The following LRFN2 variants were observed in gnomAD, a reference collection of about 807,000 sequenced individuals.
LRFN2 encodes the protein leucine-rich repeat and fibronectin type-III domain-containing protein 2.
Under a neutral mutation model 37.3 loss-of-function variants are expected in LRFN2, and 18 were observed. That is an observed-to-expected ratio of 0.48 (90% CI 0.33 to 0.72). The LOEUF (loss-of-function observed/expected upper bound fraction) is 0.72. Ranked by LOEUF, LRFN2 falls within the 30% of genes least tolerant of loss-of-function variation. The probability of loss-of-function intolerance (pLI) is 0.02; values close to 1 mark genes in which losing one functional copy is unlikely to be tolerated. For missense variants in LRFN2, 1,006 were observed against 1,060.7 expected, an observed-to-expected ratio of 0.95 and a Z score of 0.72; for synonymous variants, 556 against 466.6, an observed-to-expected ratio of 1.19 and a Z score of -2.47.
chr6:40,427,871 A>T (rs1581696979), intron 2 of LRFN2, among the ~76,000 whole-genome samples: 1 of 152,174 alleles, frequency 6.6e-6, no homozygotes, highest in East Asian at 1.9e-4. Context: ...CATGGGGCCC[A>T]TCAGAGCCTG....
chr6:40,436,885 C>T (rs1991875), intron 1 of LRFN2, among the ~76,000 whole-genome samples: 3,420 of 152,180 alleles, frequency 0.022, 124 homozygotes, highest in African/African-American at 0.077. Context: ...TTTCTGGCTA[C>T]GGCATCTGCT....
intron 1 of LRFN2, among the ~76,000 whole-genome samples, chr6:40,515,177 TC>T (rs1189559162): frequency 6.6e-6 from 1 of 152,194 alleles, no homozygotes; most frequent in Admixed American, 6.5e-5. Context: ...GTGTGCTTTT[TC>T]TGAACACACT....
At chr6:40,584,492 T>C (rs939923515) in intron 1 of LRFN2, among the ~76,000 whole-genome samples, 3 of 152,112 alleles carry the variant, frequency 2.0e-5, no homozygotes, top group Admixed American at 6.5e-5. Context: ...CACAAAATAC[T>C]CAAATTGTTG....
chr6:40,414,280 T>C (rs950056033), intron 2 of LRFN2, among the ~76,000 whole-genome samples: 1 of 152,106 alleles, frequency 6.6e-6, no homozygotes, highest in Non-Finnish European at 1.5e-5. Flanking sequence ...TGAGCACTAT[T>C]GAGGCCTCAA....
chr6:40,546,072 C>A (rs975560155), intron 1 of LRFN2, among the ~76,000 whole-genome samples: 20 of 151,986 alleles, frequency 1.3e-4, no homozygotes, highest in Non-Finnish European at 2.5e-4. Context: ...TGGGGAGACT[C>A]CAGAGAGAGG....
intron 2 of LRFN2, among the ~76,000 whole-genome samples, chr6:40,395,816 C>T (rs1293277721): frequency 2.6e-5 from 4 of 152,030 alleles, no homozygotes; most frequent in Non-Finnish European, 4.4e-5. Context: ...GGGAGGCCAC[C>T]GTCAGTCTGC....
chr6:40,566,144 T>C (rs1767086298), intron 1 of LRFN2, among the ~76,000 whole-genome samples: 1 of 152,206 alleles, frequency 6.6e-6, no homozygotes, highest in Non-Finnish European at 1.5e-5. Context: ...ATGCTCATCA[T>C]CACTGGCCAT....
chr6:40,418,764 C>T (rs1561845890), intron 2 of LRFN2, among the ~76,000 whole-genome samples: 2 of 152,176 alleles, frequency 1.3e-5, no homozygotes, highest in Non-Finnish European at 2.9e-5. Flanking sequence ...TCATGGATCA[C>T]ACCTCATAGG....
chr6:40,463,920 A>C (rs899192136), intron 1 of LRFN2, among the ~76,000 whole-genome samples: 3 of 151,872 alleles, frequency 2.0e-5, no homozygotes, highest in Non-Finnish European at 4.4e-5. Flanking sequence ...TCATGCCATC[A>C]CACCATTTCT....
At chr6:40,545,564 C>G (rs13196216) in intron 1 of LRFN2, among the ~76,000 whole-genome samples, 65,214 of 151,872 alleles carry the variant, frequency 0.43, 14,652 homozygotes, top group African/African-American at 0.54. Context: ...AGGGGAGAGG[C>G]AGAGACACAC....
intron 1 of LRFN2, chr6:40,501,607 C>T (rs1245656338): frequency 6.6e-6 from 1 of 152,084 alleles, no homozygotes; most frequent in Non-Finnish European, 1.5e-5. Flanking sequence ...GGATTTACAG[C>T]CACCACATCC....
At chr6:40,417,215 C>T (rs762707108) in intron 2 of LRFN2, among the ~76,000 whole-genome samples, 4 of 152,228 alleles carry the variant, frequency 2.6e-5, no homozygotes, top group Admixed American at 6.5e-5. Flanking sequence ...CTGGCTCACA[C>T]GCGGTGGCAT....
intron 1 of LRFN2, among the ~76,000 whole-genome samples, chr6:40,457,799 C>A (rs116241335): frequency 0.03 from 4,559 of 152,262 alleles, 118 homozygotes; most frequent in Admixed American, 0.068. Context: ...CTAGACAAAA[C>A]TTCTCAGCGC....
chr6:40,476,012 T>G (rs1266538890), intron 1 of LRFN2, among the ~76,000 whole-genome samples: 2 of 152,186 alleles, frequency 1.3e-5, no homozygotes, highest in Non-Finnish European at 2.9e-5. Flanking sequence ...ATGTTATGGT[T>G]GCATTGGTAT....
chr6:40,546,418 T>C (rs1044973869), intron 1 of LRFN2, among the ~76,000 whole-genome samples: 2 of 152,170 alleles, frequency 1.3e-5, no homozygotes, highest in Non-Finnish European at 1.5e-5. Context: ...GGTCTCCCCA[T>C]AGCTTCTTAA....
At chr6:40,483,458 G>T (rs1009840215) in intron 1 of LRFN2, among the ~76,000 whole-genome samples, 1 of 152,202 alleles carries the variant, frequency 6.6e-6, no homozygotes, top group African/African-American at 2.4e-5. Context: ...GGAGGTGCTT[G>T]ATCTGCAGAA....
intron 1 of LRFN2, among the ~76,000 whole-genome samples, chr6:40,540,873 A>T (rs1189482739): frequency 1.3e-5 from 2 of 152,118 alleles, no homozygotes; most frequent in Non-Finnish European, 2.9e-5. Context: ...CTGGCAAACT[A>T]AAGCCCTTTC....
At chr6:40,449,985 T>C (rs1450211873) in intron 1 of LRFN2, among the ~76,000 whole-genome samples, 1 of 152,208 alleles carries the variant, frequency 6.6e-6, no homozygotes, top group East Asian at 1.9e-4. Flanking sequence ...TTCCAAAAAA[T>C]ATAAGGTGGC....
intron 1 of LRFN2, among the ~76,000 whole-genome samples, chr6:40,453,539 CACACACACACACACA>C (rs1296871558): frequency 2.0e-5 from 3 of 150,430 alleles, no homozygotes; most frequent in Non-Finnish European, 3.0e-5. Context: ...CACACACACA[CACACACACACACACA>C]CCTCCCTTTG....
Sources: allele counts gnomAD v4.1 joint callset (sites outside exome capture counted in the v4.1 genomes callset), GRCh38; gene constraint gnomAD v4.1.1; transcripts MANE v1.5; gene names NCBI Gene and HGNC (gene_info 2026-07-23, HGNC 2026-07-21).